Variants in SH3RF2 observed in about 807,000 individuals in gnomAD.
SH3RF2 encodes the protein E3 ubiquitin-protein ligase SH3RF2.
In SH3RF2, 43 loss-of-function variants were observed where a neutral mutation model predicts 59.0. That is an observed-to-expected ratio of 0.73 (90% CI 0.57 to 0.94). The LOEUF (loss-of-function observed/expected upper bound fraction) is 0.94. Among genes scored for constraint, SH3RF2 ranks in the 40% least tolerant of loss-of-function variants. The pLI is 0.00. For missense variants in SH3RF2, 930 were observed against 940.1 expected, an observed-to-expected ratio of 0.99 and a Z score of 0.14; for synonymous variants, 391 against 391.5, an observed-to-expected ratio of 1.00 and a Z score of 0.01.
chr5:146,028,420 A>G (rs938583924), intron 5 of SH3RF2, among the ~76,000 whole-genome samples: 3 of 152,218 alleles, frequency 2.0e-5, no homozygotes, highest in African/African-American at 7.2e-5. Flanking sequence ...TGGGAAAATT[A>G]ATAGCGTCTT....
At chr5:146,051,910 G>A (rs982784066) in intron 7 of SH3RF2, among the ~76,000 whole-genome samples, 1 of 152,196 alleles carries the variant, frequency 6.6e-6, no homozygotes, top group Admixed American at 6.5e-5. Flanking sequence ...GAGAGACTTG[G>A]AGAGTAAATG....
At chr5:146,049,298 G>C in intron 7 of SH3RF2, 53 bp downstream of exon 7, 1 of 1,545,496 alleles carries the variant, frequency 6.5e-7, no homozygotes, top group Non-Finnish European at 8.7e-7. Flanking sequence ...CTAGGCCAGG[G>C]GCCATCTGTG....
At chr5:145,955,568 A>G (rs1217587949) in intron 2 of SH3RF2, among the ~76,000 whole-genome samples, 1 of 152,196 alleles carries the variant, frequency 6.6e-6, no homozygotes, top group Non-Finnish European at 1.5e-5. Context: ...AGTTGAAGAG[A>G]AAAAGGAAGA....
chr5:146,064,667 AAAGAAAG>A (rs1763014626), downstream of SH3RF2, among the ~76,000 whole-genome samples: 1 of 4,292 alleles, frequency 2.3e-4, no homozygotes, highest in African/African-American at 5.0e-4. Flanking sequence ...AGAGAAAGAG[AAAGAAAG>A]AAAGAAAGAA....
At chr5:145,984,445 G>A (rs1482964518) in intron 2 of SH3RF2, among the ~76,000 whole-genome samples, 1 of 152,216 alleles carries the variant, frequency 6.6e-6, no homozygotes, top group African/African-American at 2.4e-5. Context: ...AAAGATATTG[G>A]CACCTATGTG....
chr5:146,060,511 G>A (rs1417325091), intron 9 of SH3RF2, among the ~76,000 whole-genome samples: 1 of 152,044 alleles, frequency 6.6e-6, no homozygotes, highest in Non-Finnish European at 1.5e-5. Context: ...CATGACTTTG[G>A]CATTAGATGA....
At chr5:145,990,234 G>T (rs528787485) in intron 2 of SH3RF2, among the ~76,000 whole-genome samples, 13 of 152,084 alleles carry the variant, frequency 8.5e-5, no homozygotes, top group Non-Finnish European at 1.5e-4. Context: ...CTTCTTTCAG[G>T]AAAGTGCGTC....
At chr5:145,972,706 C>T (rs1476437967) in intron 2 of SH3RF2, among the ~76,000 whole-genome samples, 1 of 152,194 alleles carries the variant, frequency 6.6e-6, no homozygotes, top group Non-Finnish European at 1.5e-5. Context: ...TCCTTTATGC[C>T]TTTCCAGGAG....
exon 10 of SH3RF2, chr5:146,080,969 T>C (rs1382008864): frequency 6.6e-6 from 1 of 152,208 alleles, no homozygotes; most frequent in Non-Finnish European, 1.5e-5. Flanking sequence ...CTGCTAATTT[T>C]TTGTATTTTT....
chr5:145,984,686 T>C (rs1380202978), intron 2 of SH3RF2, among the ~76,000 whole-genome samples: 1 of 152,230 alleles, frequency 6.6e-6, no homozygotes, highest in Non-Finnish European at 1.5e-5. Flanking sequence ...TGTGAGTCTT[T>C]AGCACCCCTC....
At chr5:145,964,275 C>T (rs1758768241) in intron 2 of SH3RF2, among the ~76,000 whole-genome samples, 1 of 116,156 alleles carries the variant, frequency 8.6e-6, no homozygotes, top group Admixed American at 9.4e-5. Context: ...CCCTTCTTTT[C>T]CTTCCTTCCT....
intron 5 of SH3RF2, among the ~76,000 whole-genome samples, chr5:146,021,470 C>A (rs988501325): frequency 6.6e-6 from 1 of 152,140 alleles, no homozygotes; most frequent in East Asian, 1.9e-4. Context: ...AGAGAGGAGG[C>A]ACCATTAGAT....
intron 2 of SH3RF2, among the ~76,000 whole-genome samples, chr5:145,952,626 G>A (rs1580762274): frequency 6.6e-6 from 1 of 152,312 alleles, no homozygotes; most frequent in African/African-American, 2.4e-5. Context: ...GAACAAGACA[G>A]ACGTGTAATG....
chr5:146,064,858 A>AAG (rs1561773929), downstream of SH3RF2, among the ~76,000 whole-genome samples: 18 of 30,408 alleles, frequency 5.9e-4, 1 homozygote, highest in Non-Finnish European at 1.2e-3. Flanking sequence ...GAAAGAAAGA[A>AAG]AGAAAGAGAA....
At chr5:146,037,075 C>T (rs1289371337) in intron 5 of SH3RF2, among the ~76,000 whole-genome samples, 1 of 152,222 alleles carries the variant, frequency 6.6e-6, no homozygotes. Context: ...TTCTTCTCCC[C>T]AGACATCTGC....
At chr5:145,941,939 T>C (rs1396241128) in intron 2 of SH3RF2, among the ~76,000 whole-genome samples, 1 of 152,198 alleles carries the variant, frequency 6.6e-6, no homozygotes, top group Admixed American at 6.5e-5. Context: ...CTACTCTAAA[T>C]TACACACACC....
At chr5:145,975,881 A>C (rs1759273065) in intron 2 of SH3RF2, among the ~76,000 whole-genome samples, 1 of 152,214 alleles carries the variant, frequency 6.6e-6, no homozygotes, top group Admixed American at 6.5e-5. Flanking sequence ...TGCCTCGTGG[A>C]TTGTTGTAAG....
intron 4 of SH3RF2, among the ~76,000 whole-genome samples, chr5:146,013,203 G>T (rs1452187751): frequency 6.6e-6 from 1 of 152,142 alleles, no homozygotes; most frequent in Non-Finnish European, 1.5e-5. Context: ...TCTACTCTGG[G>T]GTACAGGAGA....
intron 5 of SH3RF2, among the ~76,000 whole-genome samples, chr5:146,033,469 T>C (rs1561753542): frequency 1.1e-4 from 8 of 70,530 alleles, no homozygotes; most frequent in Non-Finnish European, 2.4e-4. Context: ...TTTTTTTTTT[T>C]TTTTTTTTTT....
Sources: allele counts gnomAD v4.1 joint callset (sites outside exome capture counted in the v4.1 genomes callset), GRCh38; gene constraint gnomAD v4.1.1; transcripts MANE v1.5; gene names NCBI Gene and HGNC (gene_info 2026-07-23, HGNC 2026-07-21).